Variants in ZNF677 observed in about 807,000 individuals in gnomAD.
ZNF677 encodes hypothetical protein MGC48625.
Under a neutral mutation model 8.1 loss-of-function variants are expected in ZNF677, and 5 were observed. The ratio of observed to expected loss-of-function variants is 0.62; its 90% CI spans 0.32 to 1.29. The LOEUF (loss-of-function observed/expected upper bound fraction) is 1.29. Among genes scored for constraint, ZNF677 ranks in the 50% most tolerant of loss-of-function variants. ZNF677 has a pLI of 0.05. For missense variants in ZNF677, 685 were observed against 685.9 expected, an observed-to-expected ratio of 1.00 and a Z score of 0.01; for synonymous variants, 221 against 225.6, an observed-to-expected ratio of 0.98 and a Z score of 0.18.
In ZNF677 at chr19:53,235,943, C is replaced by G. The variant is rs1248654078; in HGVS notation, c.*1029G>C. On this transcript the variant is annotated 3_prime_UTR_variant, in exon 5 of 5. Coordinates refer to ENST00000598513, the MANE Select transcript of ZNF677 (RefSeq NM_182609.4). ...GTGGCTCATGCCTGTAATCCCAGCACTTTGGGAGGCCAAGGCAGGTGGATC... is the reference window on the plus strand; with the variant it reads ...GTGGCTCATGCCTGTAATCCCAGCAGTTTGGGAGGCCAAGGCAGGTGGATC... The G allele has an allele frequency of 1.3e-5, 2 of 152,302 alleles. No individual in the cohort carries two copies. Among genetic ancestry groups the G allele is most frequent in the Admixed American group, 1.3e-4 (2 of 15,282 alleles). 9.4% of individuals were successfully genotyped at this position (152,302 alleles called of 1,614,324 possible).
chr19:53,242,529 T>C (rs1339078992), intron 4 of ZNF677: 2 of 396,872 alleles, frequency 5.0e-6, no homozygotes, highest in Non-Finnish European at 8.9e-6. Flanking sequence ...TGAGTAACAA[T>C]CTCAAAAGCC....
chr19:53,241,934 CT>C (rs57694600), intron 4 of ZNF677: 138,753 of 342,736 alleles, frequency 0.4, 14,889 homozygotes, highest in East Asian at 0.58. Context: ...TTTTCTTTTT[CT>C]TTTTTTTTTT....
chr19:53,250,167 C>G (rs555178890), intron 3 of ZNF677, among the ~76,000 whole-genome samples: 1 of 152,226 alleles, frequency 6.6e-6, no homozygotes, highest in African/African-American at 2.4e-5. Context: ...CCACTGCACC[C>G]AGCCCCTTTT....
rs546299779 is a variant in ZNF677, at chr19:53,245,739, C to T, written c.16-1842G>A. ...CCTCAAAAATTAAAAATAGGCCGGG[C>T]GCAGTGGCTCACACCTGTAATCCCA... On this transcript the variant is annotated intron_variant, in intron 3 of 4. Coordinates refer to ENST00000598513, the MANE Select transcript of ZNF677 (RefSeq NM_182609.4). 8.5e-5 allele frequency among the ~76,000 whole-genome samples: 13 copies of T among 152,268 alleles called. No homozygotes were observed. The East Asian group carries it at 1.4e-3, about 16-fold the overall frequency.
At chr19:53,242,538 C>G in intron 4 of ZNF677, 1 of 396,588 alleles carries the variant, frequency 2.5e-6, no homozygotes, top group East Asian at 3.6e-5. Flanking sequence ...ATCTCAAAAG[C>G]CTGCCCATTC....
chr19:53,252,955 G>A (rs1208817322), intron 2 of ZNF677, 131 bp downstream of exon 2: 1 of 152,152 alleles, frequency 6.6e-6, no homozygotes, highest in Non-Finnish European at 1.5e-5. Flanking sequence ...GAAGTCTACT[G>A]AAAACATAAA....
rs144139302 is a variant in ZNF677 at position 53,238,178 on chromosome 19, G to C, written c.549C>G (p.Tyr183Ter). The C allele has an allele frequency of 1.9e-6, 3 of 1,613,442 alleles. No individual in the cohort carries two copies. Among genetic ancestry groups the C allele is most frequent in the African/African-American group, 2.7e-5 (2 of 74,980 alleles). ...KNNIRYAGNK[Y>*]VKCFENKIGL... ...CAATTTTATTTTCAAAACACTTCAC[G>C]TATTTGTTTCCGGCATACCTTATGT... is the stretch of plus-strand genomic sequence containing the variant. The change falls in exon 5 of 5, where the codon TAC (tyrosine) becomes TAG (stop). Residue 183 changes from tyrosine (Y) to a stop codon, truncating the protein, a stop_gained. Transcript: ENST00000598513. LOFTEE classifies it low-confidence loss of function (END_TRUNC).
rs144834179 is a variant in ZNF677 at position 53,238,066 on chromosome 19, T to C, written c.661A>G (p.Ile221Val). Residue 221 changes from isoleucine to valine, a missense_variant, in exon 5 of 5, where the codon ATC (isoleucine) becomes GTC (valine). By Grantham distance (29) the Ile-to-Val change is conservative. Transcript: ENST00000598513. ...MYECNPVEKS[I>V]NSSSVSPLPP... ...AGTGGTGAAACTGAGGAACTATTGA[T>C]AGACTTCTCAACTGGATTACATTCA... is the stretch of plus-strand genomic sequence containing the variant. 32 of 1,613,980 alleles carry C rather than the reference T, an allele frequency of 2.0e-5. No individual in the cohort carries two copies. In the African/African-American group the frequency reaches 4.1e-4, roughly 21 times the overall value.
intron 3 of ZNF677, 73 bp from the exon 4 acceptor site, chr19:53,243,970 G>C: frequency 7.1e-7 from 1 of 1,412,874 alleles, no homozygotes; most frequent in Non-Finnish European, 9.6e-7. Context: ...GCAGAAAAGA[G>C]GTGTACATAT....
At chr19:53,251,987 C>T (rs1022357929) in intron 2 of ZNF677, among the ~76,000 whole-genome samples, 1 of 152,168 alleles carries the variant, frequency 6.6e-6, no homozygotes, top group Non-Finnish European at 1.5e-5. Flanking sequence ...CTCCACGAAT[C>T]CCTGCTGTAG....
chr19:53,246,720 A>G (rs115822796), intron 3 of ZNF677, among the ~76,000 whole-genome samples: 1,623 of 152,304 alleles, frequency 0.011, 24 homozygotes, highest in African/African-American at 0.037. Context: ...GGTGGTTGCT[A>G]GGTGCTGAGT....
chr19:53,237,312 G>A lies in ZNF677; in HGVS notation c.1415C>T (p.Ser472Leu), dbSNP rs1296119732. Residue 472 changes from serine to leucine, a missense_variant, in exon 5 of 5, where the codon TCA becomes TTA. Transcript: ENST00000598513. The stretch of plus-strand genomic sequence containing the variant: ...AGTTCTCTGATGACCCCAAAGGTGT[G>A]AACGTTTGATAAAAGCTTTATCACA... ...NKCDKAFIKR[S>L]HLWGHQRTHT... 6.2e-7 allele frequency: 1 copy of A among 1,613,614 alleles called. No individual in the cohort carries two copies. The highest frequency in any genetic ancestry group is 1.7e-5 in the Admixed American group (1 of 59,982).
Position 53,237,390 on chromosome 19 carries a change from A to C in ZNF677, c.1337T>G (p.Leu446Arg). The C allele has an allele frequency of 6.2e-7, 1 of 1,614,038 alleles. No homozygotes were observed. Among genetic ancestry groups the C allele is most frequent in the East Asian group, 2.2e-5 (1 of 44,866 alleles). The change falls in exon 5 of 5, where the codon CTT (leucine) becomes CGT (arginine). Residue 446 changes from leucine to arginine, a missense_variant. By Grantham distance (102) the Leu-to-Arg change is moderately radical. Coordinates refer to ENST00000598513, the MANE Select transcript of ZNF677 (RefSeq NM_182609.4). Reference sequence around the variant, plus strand: ...AGTGTGAATTCTCTGATGTTCCACAAGACTTGAACTTTGGATAAAAGCCCT... The same window carrying C: ...AGTGTGAATTCTCTGATGTTCCACACGACTTGAACTTTGGATAAAAGCCCT... ...CGRAFIQSSSLVEHQRIHTGE... is the reference protein window; with the variant it reads ...CGRAFIQSSSRVEHQRIHTGE...
At chr19:53,252,974 T>C (rs1233744019) in intron 2 of ZNF677, 112 bp downstream of exon 2, 1 of 152,242 alleles carries the variant, frequency 6.6e-6, no homozygotes, top group Non-Finnish European at 1.5e-5. Flanking sequence ...AACAGTTGAT[T>C]AACACATATT....
intron 1 of ZNF677, 87 bp downstream of exon 1, chr19:53,254,747 T>C (rs2091289023): frequency 6.6e-6 from 1 of 152,606 alleles, no homozygotes; most frequent in African/African-American, 2.4e-5. Context: ...GGTTTTAACC[T>C]ACAGGGCGAC....
At chr19:53,248,533 T>G (rs1359936609) in intron 3 of ZNF677, among the ~76,000 whole-genome samples, 2 of 152,196 alleles carry the variant, frequency 1.3e-5, no homozygotes, top group African/African-American at 2.4e-5. Flanking sequence ...CTTGTTTATC[T>G]GGGGATCTCA....
Position 53,237,325 on chromosome 19 carries a change from A to G in ZNF677, c.1402T>C (p.Phe468Leu). ...PYKCNKCDKA[F>L]IKRSHLWGHQ... The stretch of plus-strand genomic sequence containing the variant: ...CCCCAAAGGTGTGAACGTTTGATAA[A>G]AGCTTTATCACATTTATTACATTTG... Residue 468 changes from phenylalanine to leucine, a missense_variant, in exon 5 of 5, where the codon TTT becomes CTT. Coordinates refer to ENST00000598513, the MANE Select transcript of ZNF677 (RefSeq NM_182609.4). The G allele has an allele frequency of 6.2e-7, 1 of 1,613,510 alleles. No homozygotes were observed. The highest frequency in any genetic ancestry group is 8.5e-7 in the Non-Finnish European group (1 of 1,179,846).
chr19:53,244,059 A>C, intron 3 of ZNF677, 162 bp from the exon 4 acceptor site: 1 of 667,474 alleles, frequency 1.5e-6, no homozygotes, highest in Non-Finnish European at 2.5e-6. Flanking sequence ...GAAATTACAT[A>C]ACATAAAATT....
chr19:53,246,235 G>A lies in ZNF677; in HGVS notation c.16-2338C>T, dbSNP rs545066443. Among the ~76,000 whole-genome samples, 8 of 148,826 alleles carry A rather than the reference G, an allele frequency of 5.4e-5. No individual in the cohort carries two copies. In the East Asian group the frequency reaches 7.9e-4, roughly 15 times the overall value. On this transcript the variant is annotated intron_variant, in intron 3 of 4. Coordinates refer to ENST00000598513, the MANE Select transcript of ZNF677 (RefSeq NM_182609.4). ...TGGGAGGCTGAGGCAGGAGAATGGC[G>A]GGAACCCAGGAGGCGGAGCTTGCAG...
Sources: allele counts gnomAD v4.1 joint callset (sites outside exome capture counted in the v4.1 genomes callset), GRCh38; gene constraint gnomAD v4.1.1; transcripts MANE v1.5; gene names NCBI Gene and HGNC (gene_info 2026-07-23, HGNC 2026-07-21).